GRID2: variants seen among roughly 807,000 people sequenced by gnomAD.
GRID2 encodes the protein glutamate ionotropic receptor delta type subunit 2.
Under a neutral mutation model 114.8 loss-of-function variants are expected in GRID2, and 33 were observed. The ratio of observed to expected loss-of-function variants is 0.29; its 90% CI spans 0.22 to 0.38. GRID2 has a LOEUF of 0.38. Ranked by LOEUF, GRID2 falls within the 10% of genes least tolerant of loss-of-function variation. The probability of loss-of-function intolerance (pLI) is 1.00; values close to 1 mark genes in which losing one functional copy is unlikely to be tolerated. For missense variants in GRID2, 1,184 were observed against 1,257.7 expected, an observed-to-expected ratio of 0.94 and a Z score of 0.89; for synonymous variants, 505 against 449.9, an observed-to-expected ratio of 1.12 and a Z score of -1.55.
At chr4:93,384,073 G>C (rs1406219735) in intron 8 of GRID2, among the ~76,000 whole-genome samples, 2 of 152,148 alleles carry the variant, frequency 1.3e-5, no homozygotes, top group Non-Finnish European at 2.9e-5. Flanking sequence ...ACCTGGTGAA[G>C]GCTTGCTCTC....
At chr4:92,837,828 A>G (rs544157540) in intron 2 of GRID2, among the ~76,000 whole-genome samples, 43 of 152,208 alleles carry the variant, frequency 2.8e-4, no homozygotes, top group African/African-American at 8.9e-4. Context: ...ACAACAACCT[A>G]ATTGTGGTTA....
rs116237971 is a variant in GRID2 at position 92,698,583 on chromosome 4, T to G, written c.244+108297T>G. Among the ~76,000 whole-genome samples, 220 of 152,098 alleles carry G rather than the reference T, an allele frequency of 1.4e-3. 1 individual carries two copies. The highest frequency in any genetic ancestry group is 5.2e-3 in the African/African-American group (214 of 41,538). ...GATTTCTAATCTAATTTTTATACTT[T>G]TAGAAATGTCCATCTTATTTTAGTA... On this transcript the variant is annotated intron_variant, in intron 2 of 15. Coordinates refer to ENST00000282020, the MANE Select transcript of GRID2 (RefSeq NM_001510.4).
At chr4:92,489,132 A>G (rs1723031752) in intron 1 of GRID2, among the ~76,000 whole-genome samples, 1 of 152,206 alleles carries the variant, frequency 6.6e-6, no homozygotes, top group African/African-American at 2.4e-5. Flanking sequence ...TGAAATAAAT[A>G]TGGTTGCCCC....
chr4:92,607,710 C>G (rs1729526318), intron 2 of GRID2, among the ~76,000 whole-genome samples: 1 of 151,866 alleles, frequency 6.6e-6, no homozygotes, highest in South Asian at 2.1e-4. Flanking sequence ...AAAGGTCTTA[C>G]AAGATGTGAT....
intron 11 of GRID2, among the ~76,000 whole-genome samples, chr4:93,459,816 C>CCT (rs1580146960): frequency 6.6e-6 from 1 of 152,116 alleles, no homozygotes; most frequent in African/African-American, 2.4e-5. Context: ...ACCTTCTTAG[C>CCT]CTCTCACATT....
chr4:93,367,851 A>G (rs1045110495), intron 8 of GRID2, among the ~76,000 whole-genome samples: 2 of 152,146 alleles, frequency 1.3e-5, no homozygotes, highest in Non-Finnish European at 2.9e-5. Context: ...CACGATTGTG[A>G]GTGTTGGATT....
At chr4:92,519,889 C>T (rs1437714629) in intron 1 of GRID2, among the ~76,000 whole-genome samples, 1 of 151,800 alleles carries the variant, frequency 6.6e-6, no homozygotes, top group Non-Finnish European at 1.5e-5. Context: ...CTTACTCAGT[C>T]CTTTGGATAA....
chr4:93,591,567 T>C (rs1216413173), intron 13 of GRID2, among the ~76,000 whole-genome samples: 1 of 152,212 alleles, frequency 6.6e-6, no homozygotes, highest in African/African-American at 2.4e-5. Flanking sequence ...GATGCTGGCC[T>C]CATAAAATGA....
chr4:93,178,221 C>G (rs1023687138), intron 4 of GRID2, among the ~76,000 whole-genome samples: 9 of 151,920 alleles, frequency 5.9e-5, no homozygotes, highest in Non-Finnish European at 1.0e-4. Flanking sequence ...CACTTTTCAA[C>G]CCACTGTCAT....
rs141012335 is a variant in GRID2, at chr4:93,615,362, G to T, written c.2194-10907G>T. 7.0e-3 allele frequency among the ~76,000 whole-genome samples: 1,067 copies of T among 152,250 alleles called. 11 individuals carry two copies. The highest frequency in any genetic ancestry group is 0.011 in the Non-Finnish European group (723 of 68,006). On this transcript the variant is annotated intron_variant, in intron 13 of 15. Transcript: ENST00000282020. ...TTATTATAAGTGAAATCTCTCTTAG[G>T]AAAATGATTTTAAAGCACAAGAGTA...
intron 2 of GRID2, among the ~76,000 whole-genome samples, chr4:93,024,056 T>A (rs1723649513): frequency 6.6e-6 from 1 of 151,878 alleles, no homozygotes; most frequent in Admixed American, 6.6e-5. Flanking sequence ...AATAAGTCTC[T>A]TACTTTAACT....
intron 14 of GRID2, among the ~76,000 whole-genome samples, chr4:93,694,602 G>A (rs1340040583): frequency 6.6e-6 from 1 of 152,058 alleles, no homozygotes; most frequent in Non-Finnish European, 1.5e-5. Flanking sequence ...ACGCCTCCCA[G>A]TCCTTATCAC....
intron 1 of GRID2, among the ~76,000 whole-genome samples, chr4:92,576,251 C>A (rs1727887520): frequency 6.6e-6 from 1 of 152,210 alleles, no homozygotes; most frequent in Admixed American, 6.5e-5. Context: ...TCTGGCAAAG[C>A]AGCTGTGCTG....
intron 13 of GRID2, among the ~76,000 whole-genome samples, chr4:93,527,091 T>A (rs373269439): frequency 8.5e-4 from 130 of 152,262 alleles, no homozygotes; most frequent in Middle Eastern, 6.8e-3. Context: ...CTCCCTCTCC[T>A]CTCATTCTGA....
chr4:92,756,732 T>C (rs1478841967), intron 2 of GRID2, among the ~76,000 whole-genome samples: 1 of 152,160 alleles, frequency 6.6e-6, no homozygotes, highest in Non-Finnish European at 1.5e-5. Flanking sequence ...CATTTTTTCA[T>C]ATACCTGTTG....
intron 5 of GRID2, among the ~76,000 whole-genome samples, chr4:93,210,045 T>C (rs1414040268): frequency 2.0e-5 from 3 of 152,154 alleles, no homozygotes; most frequent in Admixed American, 1.3e-4. Context: ...TCTCCCATTC[T>C]GTAGGTTGTT....
At position 93,147,469 on chromosome 4, in the gene GRID2, C is replaced by CT. The variant is rs146178889; in HGVS notation, c.735+36524dup. Among the ~76,000 whole-genome samples the CT allele has an allele frequency of 5.0e-3, 767 of 152,052 alleles. 10 individuals are homozygous for CT. The highest frequency in any genetic ancestry group is 0.017 in the African/African-American group (702 of 41,486). On this transcript the variant is annotated intron_variant, in intron 4 of 15. Coordinates refer to ENST00000282020, the MANE Select transcript of GRID2 (RefSeq NM_001510.4). Reference sequence around the variant, plus strand: ...TTCAAACTTTGGAAAAGAAAATGTACTTTTTTTTGAAATTTAATACTCATG... The same window carrying CT: ...TTCAAACTTTGGAAAAGAAAATGTACTTTTTTTTTGAAATTTAATACTCATG...
chr4:92,679,862 C>T (rs898172898), intron 2 of GRID2, among the ~76,000 whole-genome samples: 3 of 151,476 alleles, frequency 2.0e-5, no homozygotes, highest in Non-Finnish European at 4.4e-5. Context: ...TAATTGATTT[C>T]TTTCTTCTGA....
At chr4:92,750,117 T>C (rs1473652647) in intron 2 of GRID2, among the ~76,000 whole-genome samples, 1 of 152,178 alleles carries the variant, frequency 6.6e-6, no homozygotes, top group Non-Finnish European at 1.5e-5. Context: ...CACCTCGGCC[T>C]ACCAAAGTGC....
Sources: allele counts gnomAD v4.1 joint callset (sites outside exome capture counted in the v4.1 genomes callset), GRCh38; gene constraint gnomAD v4.1.1; transcripts MANE v1.5; gene names NCBI Gene and HGNC (gene_info 2026-07-23, HGNC 2026-07-21).